CAMK4: variants seen among roughly 807,000 people sequenced by gnomAD.
CAMK4 encodes the protein calcium/calmodulin dependent protein kinase IV, also known as calcium/calmodulin-dependent protein kinase type IV.
In CAMK4, 22 loss-of-function variants were observed where a neutral mutation model predicts 44.9. That is an observed-to-expected ratio of 0.49 (90% CI 0.35 to 0.70). CAMK4 has a LOEUF of 0.70. Ranked by LOEUF, CAMK4 falls within the 30% of genes least tolerant of loss-of-function variation. The probability of loss-of-function intolerance (pLI) is 0.01; values close to 1 mark genes in which losing one functional copy is unlikely to be tolerated. For synonymous variants in CAMK4, 218 were observed against 215.4 expected (o/e 1.01, Z -0.11); for missense variants, 498 against 586.8 (o/e 0.85, Z 1.56).
At chr5:111,468,644 T>C (rs1047888480) in intron 7 of CAMK4, among the ~76,000 whole-genome samples, 1 of 152,190 alleles carries the variant, frequency 6.6e-6, no homozygotes, top group Non-Finnish European at 1.5e-5. Flanking sequence ...TAGAGTGTGT[T>C]CTACTGGTTC....
intron 7 of CAMK4, among the ~76,000 whole-genome samples, chr5:111,471,492 G>A (rs1178842468): frequency 6.6e-6 from 1 of 152,024 alleles, no homozygotes; most frequent in Non-Finnish European, 1.5e-5. Context: ...CAGTGATTTC[G>A]CCATTCTTCC....
chr5:111,246,037 C>T (rs1749220946), intron 1 of CAMK4, among the ~76,000 whole-genome samples: 1 of 152,184 alleles, frequency 6.6e-6, no homozygotes, highest in Admixed American at 6.5e-5. Context: ...CTTCCTGTGA[C>T]TAGGTTTTGG....
At chr5:111,467,902 G>T (rs958136311) in intron 7 of CAMK4, among the ~76,000 whole-genome samples, 36 of 146,880 alleles carry the variant, frequency 2.5e-4, no homozygotes, top group African/African-American at 8.8e-4. Context: ...TTGCCCAAAT[G>T]GCTATCAATC....
intron 2 of CAMK4, among the ~76,000 whole-genome samples, chr5:111,345,423 G>GAAGT (rs1749824926): frequency 6.6e-6 from 1 of 151,836 alleles, no homozygotes; most frequent in African/African-American, 2.4e-5. Context: ...AAATTTATCT[G>GAAGT]AAGTAAGGAT....
intron 1 of CAMK4, among the ~76,000 whole-genome samples, chr5:111,310,407 G>C (rs914001981): frequency 1.3e-5 from 2 of 152,128 alleles, no homozygotes; most frequent in Admixed American, 1.3e-4. Flanking sequence ...CAGAAGTTCC[G>C]GCACTAATGA....
In CAMK4 at chr5:111,484,520, T is replaced by G. The variant is rs534271331; in HGVS notation, c.*54T>G. On this transcript the variant is annotated 3_prime_UTR_variant, in exon 11 of 11. Coordinates refer to ENST00000282356, the MANE Select transcript of CAMK4 (RefSeq NM_001744.6). The surrounding 1 kb of genome is among the most constrained non-coding windows in gnomAD (Gnocchi z 5.3). Reference sequence around the variant, plus strand: ...CACCGGCATTTTATGTACTTTGTCCTTCAGCAAGAAAGGTGTGGAAGCATG... The same window carrying G: ...CACCGGCATTTTATGTACTTTGTCCGTCAGCAAGAAAGGTGTGGAAGCATG... The G allele has an allele frequency of 6.2e-6, 8 of 1,289,190 alleles. No individual in the cohort carries two copies. In the East Asian group the frequency reaches 1.9e-4, roughly 30 times the overall value. 79.9% of individuals were successfully genotyped at this position (1,289,190 alleles called of 1,614,324 possible). A position where few individuals can be genotyped will look rare whatever the true frequency, so the allele number is the denominator to read the frequency against.
At chr5:111,354,520 A>G (rs1344493428) in intron 2 of CAMK4, among the ~76,000 whole-genome samples, 1 of 151,856 alleles carries the variant, frequency 6.6e-6, no homozygotes, top group Non-Finnish European at 1.5e-5. Context: ...CAATGCGTAC[A>G]TCAGAACGTC....
intron 5 of CAMK4, among the ~76,000 whole-genome samples, chr5:111,409,253 A>C (rs1752546198): frequency 2.6e-5 from 4 of 152,218 alleles, no homozygotes; most frequent in Admixed American, 2.6e-4. Flanking sequence ...ATCTAGGTGG[A>C]GGTTCCCAAC....
intron 2 of CAMK4, among the ~76,000 whole-genome samples, chr5:111,355,598 C>T (rs1750309248): frequency 6.7e-6 from 1 of 149,300 alleles, no homozygotes; most frequent in African/African-American, 2.5e-5. Context: ...GTGTGCTGCA[C>T]CCATTAACTC....
intron 1 of CAMK4, among the ~76,000 whole-genome samples, chr5:111,256,925 T>A (rs1252213058): frequency 1.3e-5 from 2 of 152,138 alleles, no homozygotes; most frequent in African/African-American, 4.8e-5. Flanking sequence ...GACAAATCCG[T>A]TAAAAAAATA....
At position 111,321,899 on chromosome 5, in the gene CAMK4, T is replaced by G. The variant is rs545803228; in HGVS notation, c.162-22125T>G. 8.5e-5 allele frequency among the ~76,000 whole-genome samples: 13 copies of G among 152,266 alleles called. No homozygotes were observed. The East Asian group carries it at 2.5e-3, about 29-fold the overall frequency. Reference sequence around the variant, plus strand: ...TCAATCACAAGTTTTGTCAACATTTTCAATTTACTCTTAATAAATGCATAA... The same window carrying G: ...TCAATCACAAGTTTTGTCAACATTTGCAATTTACTCTTAATAAATGCATAA... On this transcript the variant is annotated intron_variant, in intron 1 of 10. Coordinates refer to ENST00000282356, the MANE Select transcript of CAMK4 (RefSeq NM_001744.6).
At chr5:111,367,886 C>T (rs1750854256) in intron 2 of CAMK4, among the ~76,000 whole-genome samples, 1 of 152,116 alleles carries the variant, frequency 6.6e-6, no homozygotes, top group Admixed American at 6.6e-5. Context: ...CCATTGGATG[C>T]AGCTGCCCAT....
At chr5:111,274,256 C>T (rs978495310) in intron 1 of CAMK4, among the ~76,000 whole-genome samples, 2 of 152,142 alleles carry the variant, frequency 1.3e-5, no homozygotes, top group Non-Finnish European at 1.5e-5. Flanking sequence ...CCCATTCATT[C>T]TCCCTCTCTG....
At chr5:111,479,002 T>G (rs1236297065) in intron 9 of CAMK4, among the ~76,000 whole-genome samples, 1 of 152,130 alleles carries the variant, frequency 6.6e-6, no homozygotes, top group East Asian at 1.9e-4. Context: ...CTCCATCTCC[T>G]GAGTAGCTGG....
At chr5:111,338,740 T>C (rs1749514127) in intron 1 of CAMK4, among the ~76,000 whole-genome samples, 1 of 151,530 alleles carries the variant, frequency 6.6e-6, no homozygotes, top group South Asian at 2.1e-4. Flanking sequence ...TTGCTTGCTT[T>C]TGTCGAATTG....
intron 5 of CAMK4, among the ~76,000 whole-genome samples, chr5:111,428,783 G>C (rs987666107): frequency 6.6e-6 from 1 of 152,008 alleles, no homozygotes; most frequent in East Asian, 1.9e-4. Context: ...AAGAGATATG[G>C]GTAGAAAGTT....
At chr5:111,420,377 A>G (rs1038776262) in intron 5 of CAMK4, among the ~76,000 whole-genome samples, 1 of 152,042 alleles carries the variant, frequency 6.6e-6, no homozygotes, top group East Asian at 1.9e-4. Context: ...CAATCATGTC[A>G]TCTGCAAACA....
chr5:111,465,441 A>C (rs187546045), intron 7 of CAMK4, among the ~76,000 whole-genome samples: 1 of 152,298 alleles, frequency 6.6e-6, no homozygotes, highest in East Asian at 1.9e-4. Flanking sequence ...ATAATAATTA[A>C]AAAAGATAAC....
intron 1 of CAMK4, among the ~76,000 whole-genome samples, chr5:111,298,080 TTGCTCAATTTTATTC>T (rs1291085677): frequency 5.3e-5 from 8 of 152,240 alleles, no homozygotes; most frequent in African/African-American, 1.9e-4. Flanking sequence ...TGTAGGAATA[TTGCTCAATTTTATTC>T]TAAGCATCTG....
Sources: gnomAD v4.1 joint callset for allele counts (sites outside exome capture counted in the v4.1 genomes callset) on GRCh38, gnomAD v4.1.1 for gene constraint, Gnocchi (gnomAD v3.1) non-coding constraint, MANE v1.5 for transcripts, NCBI Gene and HGNC (gene_info 2026-07-23, HGNC 2026-07-21) for gene names.